The following PSMF1 variants were observed in gnomAD, a reference collection of about 807,000 sequenced individuals.
The protein encoded by PSMF1 is proteasome inhibitor subunit 1, also known as proteasome inhibitor PI31 subunit.
A neutral mutation model predicts 29.3 loss-of-function variants in PSMF1; 30 were observed. The observed-to-expected ratio is 1.02, with a 90% CI of 0.77 to 1.39. The LOEUF (loss-of-function observed/expected upper bound fraction) is 1.39. Among genes scored for constraint, PSMF1 ranks in the 40% most tolerant of loss-of-function variants. The pLI, the probability that PSMF1 is intolerant of heterozygous loss-of-function variation, is 0.00. For missense variants in PSMF1, 344 were observed against 357.5 expected (o/e 0.96, Z 0.31); for synonymous variants, 134 against 139.7 (o/e 0.96, Z 0.29).
chr20:1,116,529 T>C (rs2086013334), upstream of PSMF1, among the ~76,000 whole-genome samples: 3 of 151,792 alleles, frequency 2.0e-5, no homozygotes, highest in South Asian at 6.2e-4. Context: ...ACAAAGGGAG[T>C]GATGGACTAT....
rs766275344 is a variant in PSMF1 at position 1,168,672 on chromosome 20, A to C, written c.*3592A>C. Among the ~76,000 whole-genome samples the C allele has an allele frequency of 1.3e-5, 2 of 152,220 alleles. No individual in the cohort carries two copies. The highest frequency in any genetic ancestry group is 2.4e-5 in the African/African-American group (1 of 41,448). On this transcript the variant is annotated 3_prime_UTR_variant, in exon 7 of 7. Coordinates refer to ENST00000335877, the MANE Select transcript of PSMF1 (RefSeq NM_006814.5). The stretch of plus-strand genomic sequence containing the variant: ...AGTTAGAAAATAGGTAGCAAGTTCC[A>C]CGCAGCCTCACTCTTTGGAACCTAG...
At position 1,163,296 on chromosome 20, in the gene PSMF1, A is replaced by G; in HGVS notation, c.605+113A>G. 8.1e-7 allele frequency: 1 copy of G among 1,234,296 alleles called. No homozygotes were observed. Among genetic ancestry groups the G allele is most frequent in the Non-Finnish European group, 1.2e-6 (1 of 862,328 alleles). The allele number at this position is 1,234,296 out of a possible 1,614,324, so 76.5% of individuals were successfully genotyped here. A position where few individuals can be genotyped will look rare whatever the true frequency, so the allele number is the denominator to read the frequency against. On this transcript the variant is annotated intron_variant, in intron 5 of 6. Coordinates refer to ENST00000335877, the MANE Select transcript of PSMF1 (RefSeq NM_006814.5). The surrounding 1 kb of genome is among the most constrained non-coding windows in gnomAD (Gnocchi z 6.1). ...TCAGTCTCTTCCTTTGGGGTGGAGGAGGCAGTTGTTGCTGAGCAGCTGAGA... is the reference window on the plus strand; with the variant it reads ...TCAGTCTCTTCCTTTGGGGTGGAGGGGGCAGTTGTTGCTGAGCAGCTGAGA...
chr20:1,135,460 G>A (rs1337782174), intron 4 of PSMF1, among the ~76,000 whole-genome samples, 154 bp downstream of exon 4: 1 of 152,206 alleles, frequency 6.6e-6, no homozygotes, highest in Admixed American at 6.5e-5. Context: ...AAGTGGAGAC[G>A]TAAGTGGAGC....
chr20:1,147,290 A>G (rs960192289), intron 4 of PSMF1, among the ~76,000 whole-genome samples: 1 of 152,178 alleles, frequency 6.6e-6, no homozygotes, highest in Admixed American at 6.5e-5. Flanking sequence ...ACAGCCCTAC[A>G]AGAAGATCAG....
intron 4 of PSMF1, among the ~76,000 whole-genome samples, chr20:1,147,318 AG>A (rs1411922185): frequency 6.6e-6 from 1 of 152,170 alleles, no homozygotes; most frequent in Non-Finnish European, 1.5e-5. Flanking sequence ...CCCACTTTAC[AG>A]GGGAAGAGAC....
At position 1,163,145 on chromosome 20, in the gene PSMF1, C is replaced by G. The variant is rs1340616008; in HGVS notation, c.567C>G (p.Gly189=). 1 of 1,614,114 alleles carries G rather than the reference C, an allele frequency of 6.2e-7. No individual in the cohort carries two copies. The highest frequency in any genetic ancestry group is 8.5e-7 in the Non-Finnish European group (1 of 1,180,026). ...TTTGTTTCAGGTGTGATCCCCTGGG[C>G]CCGTTTGTTGTCGGGGGAGAAGACT... The part of the protein sequence containing the change: ...SRQPPWCDPL[G]PFVVGGEDLD... The change falls in exon 5 of 7, where the codon GGC becomes GGG. Residue 189 remains glycine (G), a synonymous_variant. Transcript: ENST00000335877. The surrounding 1 kb of genome is among the most constrained non-coding windows in gnomAD (Gnocchi z 6.1).
intron 4 of PSMF1, among the ~76,000 whole-genome samples, chr20:1,154,222 C>A (rs1239727129): frequency 6.6e-6 from 1 of 152,178 alleles, no homozygotes; most frequent in Non-Finnish European, 1.5e-5. Flanking sequence ...GTGTTAGAGT[C>A]AGATTATGGG....
intron 4 of PSMF1, among the ~76,000 whole-genome samples, chr20:1,147,162 CATCATCATCATCAT>C (rs2086461566): frequency 7.7e-6 from 1 of 130,270 alleles, no homozygotes; most frequent in Non-Finnish European, 1.6e-5. Flanking sequence ...TCATCATCAT[CATCATCATCATCAT>C]CACCACCCTG....
intron 3 of PSMF1, among the ~76,000 whole-genome samples, chr20:1,128,440 A>G (rs532636613): frequency 3.5e-4 from 54 of 152,248 alleles, no homozygotes; most frequent in Admixed American, 1.2e-3. Context: ...ATTTGATCCT[A>G]GAATACACAC....
At position 1,144,993 on chromosome 20, in the gene PSMF1, C is replaced by T. The variant is rs2086431275; in HGVS notation, c.551+9687C>T. Among the ~76,000 whole-genome samples, 3 of 152,118 alleles carry T rather than the reference C, an allele frequency of 2.0e-5. No homozygotes were observed. The East Asian group carries it at 5.8e-4, about 29-fold the overall frequency. On this transcript the variant is annotated intron_variant, in intron 4 of 6. Transcript: ENST00000335877. Reference sequence around the variant, plus strand: ...CTCCGCCTCCCGGGTTCAAGCAACTCTTCTGCCTCAGCTTTCTGAGTAGCT... The same window carrying T: ...CTCCGCCTCCCGGGTTCAAGCAACTTTTCTGCCTCAGCTTTCTGAGTAGCT...
Position 1,164,917 on chromosome 20 carries a change from C to T in PSMF1, c.765-112C>T. 1.0e-6 allele frequency: 1 copy of T among 968,314 alleles called. No individual in the cohort carries two copies. Among genetic ancestry groups the T allele is most frequent in the South Asian group, 1.4e-5 (1 of 70,962 alleles). 60.0% of individuals were successfully genotyped at this position (968,314 alleles called of 1,614,324 possible). On this transcript the variant is annotated intron_variant, in intron 6 of 6. Transcript: ENST00000335877. This position sits in a 1 kb window ranked among gnomAD's most constrained non-coding sequence, Gnocchi z 4.1. ...CTTGAGTGCATGTGTTTAAATTCCT[C>T]ACACCGCCACATCATGTTGAAGGGC...
chr20:1,170,919 G>A lies in PSMF1; in HGVS notation c.*5839G>A, dbSNP rs1210523347. ...CATGTAGTACCCCTGACAACCCCAA[G>A]GTAAACACAGCTAGTGGCATTAGTT... On this transcript the variant is annotated 3_prime_UTR_variant, in exon 7 of 7. Coordinates refer to ENST00000335877, the MANE Select transcript of PSMF1 (RefSeq NM_006814.5). Among the ~76,000 whole-genome samples, 2 of 151,968 alleles carry A rather than the reference G, an allele frequency of 1.3e-5. No individual in the cohort carries two copies. Among genetic ancestry groups the A allele is most frequent in the Non-Finnish European group, 2.9e-5 (2 of 67,982 alleles).
intron 4 of PSMF1, among the ~76,000 whole-genome samples, chr20:1,136,493 A>G (rs1047407712): frequency 1.3e-5 from 2 of 152,246 alleles, no homozygotes; most frequent in African/African-American, 4.8e-5. Context: ...ATTTCAAAAC[A>G]AGTATTCTGT....
At chr20:1,124,461 T>A (rs544598450) in intron 1 of PSMF1, among the ~76,000 whole-genome samples, 12 of 152,196 alleles carry the variant, frequency 7.9e-5, no homozygotes, top group Non-Finnish European at 1.8e-4. Flanking sequence ...TTTCATACAT[T>A]GCTAGTGGGA....
intron 4 of PSMF1, among the ~76,000 whole-genome samples, chr20:1,145,243 G>A (rs2086435101): frequency 6.6e-6 from 1 of 152,188 alleles, no homozygotes; most frequent in Admixed American, 6.5e-5. Flanking sequence ...AGATGCTGAA[G>A]AGCCACTTAG....
intron 4 of PSMF1, among the ~76,000 whole-genome samples, chr20:1,151,892 A>G (rs1411658166): frequency 6.6e-6 from 1 of 152,206 alleles, no homozygotes; most frequent in Non-Finnish European, 1.5e-5. Flanking sequence ...CTATGAAATC[A>G]TCTTGTAGAA....
At chr20:1,156,916 G>C (rs1490259104) in intron 4 of PSMF1, among the ~76,000 whole-genome samples, 1 of 152,172 alleles carries the variant, frequency 6.6e-6, no homozygotes, top group African/African-American at 2.4e-5. Flanking sequence ...TGTTCTCTTA[G>C]AGGGACAGAA....
intron 1 of PSMF1, among the ~76,000 whole-genome samples, chr20:1,122,295 CTTTTTTTT>C (rs144183769): frequency 2.3e-5 from 3 of 131,634 alleles, no homozygotes; most frequent in Non-Finnish European, 4.7e-5. Flanking sequence ...TTTTTCTTTT[CTTTTTTTT>C]TTTTTTTTTT....
intron 4 of PSMF1, among the ~76,000 whole-genome samples, chr20:1,153,944 A>C (rs1190757603): frequency 6.6e-6 from 1 of 152,232 alleles, no homozygotes; most frequent in Non-Finnish European, 1.5e-5. Flanking sequence ...TGTGCATGAA[A>C]GTTATTAAGT....
Sources: allele counts gnomAD v4.1 joint callset (sites outside exome capture counted in the v4.1 genomes callset), GRCh38; gene constraint gnomAD v4.1.1; non-coding constraint Gnocchi (gnomAD v3.1); transcripts MANE v1.5; gene names NCBI Gene and HGNC (gene_info 2026-07-23, HGNC 2026-07-21).